The following ROBO2 variants were observed in gnomAD, a reference collection of about 807,000 sequenced individuals.
ROBO2 encodes the protein roundabout guidance receptor 2, also known as roundabout homolog 2.
A neutral mutation model predicts 160.8 loss-of-function variants in ROBO2; 53 were observed. That is an observed-to-expected ratio of 0.33 (90% CI 0.26 to 0.41). The LOEUF is 0.41. Among genes scored for constraint, ROBO2 ranks in the 10% least tolerant of loss-of-function variants. The probability of loss-of-function intolerance (pLI) is 1.00; values close to 1 mark genes in which losing one functional copy is unlikely to be tolerated. For missense variants in ROBO2, 1,577 were observed against 1,722.4 expected, an observed-to-expected ratio of 0.92 and a Z score of 1.49; for synonymous variants, 664 against 611.7, an observed-to-expected ratio of 1.09 and a Z score of -1.26.
At chr3:76,708,202 A>G (rs9871968) in intron 2 of ROBO2, among the ~76,000 whole-genome samples, 7,831 of 152,194 alleles carry the variant, frequency 0.051, 624 homozygotes, top group African/African-American at 0.17. Flanking sequence ...ATACCCTAGC[A>G]TAGGGAAATA....
chr3:75,969,673 T>A (rs550496396), intron 2 of ROBO2, among the ~76,000 whole-genome samples: 1 of 151,672 alleles, frequency 6.6e-6, no homozygotes, highest in Non-Finnish European at 1.5e-5. Context: ...CCTTTTCATA[T>A]ACTTGTTGCC....
intron 2 of ROBO2, among the ~76,000 whole-genome samples, chr3:76,486,770 A>G (rs1029383879): frequency 3.3e-5 from 5 of 152,172 alleles, no homozygotes; most frequent in Admixed American, 3.3e-4. Context: ...AAAATGTATG[A>G]TATTATTATT....
In ROBO2 at chr3:77,150,059, A is replaced by G. The variant is rs528708787; in HGVS notation, c.388+51719A>G. ...TCCTTTTCTGCAGATACATGATTAT[A>G]TAATTGTTTCAGTTATATGAAACAA... On this transcript the variant is annotated intron_variant, in intron 2 of 25. Transcript: ENST00000461745. Among the ~76,000 whole-genome samples the G allele has an allele frequency of 3.3e-5, 5 of 152,334 alleles. No individual in the cohort carries two copies. In the South Asian group the frequency reaches 1.0e-3, roughly 32 times the overall value.
intron 23 of ROBO2, among the ~76,000 whole-genome samples, chr3:77,626,829 G>A (rs1219728563): frequency 6.6e-6 from 1 of 152,148 alleles, no homozygotes; most frequent in Admixed American, 6.5e-5. Flanking sequence ...GAATATCACA[G>A]CTGAAAGGAA....
At chr3:76,347,496 A>G (rs2108249297) in intron 2 of ROBO2, among the ~76,000 whole-genome samples, 1 of 152,210 alleles carries the variant, frequency 6.6e-6, no homozygotes, top group East Asian at 1.9e-4. Flanking sequence ...CTTTATAAAT[A>G]TGATGTAATA....
intron 2 of ROBO2, among the ~76,000 whole-genome samples, chr3:76,298,814 T>C (rs1386679633): frequency 6.6e-6 from 1 of 152,206 alleles, no homozygotes; most frequent in Non-Finnish European, 1.5e-5. Context: ...AAGAAAGATT[T>C]AGTATCAAAT....
At chr3:77,047,188 A>C (rs2064756664) in intron 1 of ROBO2, among the ~76,000 whole-genome samples, 1 of 152,208 alleles carries the variant, frequency 6.6e-6, no homozygotes, top group African/African-American at 2.4e-5. Flanking sequence ...AATGGCAAGA[A>C]GTCTAGATTG....
intron 9 of ROBO2, 122 bp downstream of exon 10, chr3:77,558,271 T>C: frequency 1.3e-6 from 1 of 780,526 alleles, no homozygotes; most frequent in South Asian, 1.5e-5. Context: ...TTAAAAACAG[T>C]TAATGTTATT....
At chr3:76,721,801 A>T (rs977378983) in intron 2 of ROBO2, among the ~76,000 whole-genome samples, 1 of 152,236 alleles carries the variant, frequency 6.6e-6, no homozygotes, top group East Asian at 1.9e-4. Flanking sequence ...CTAACAATCC[A>T]GGAAAATTAG....
At chr3:76,892,926 G>A (rs528962119) in intron 2 of ROBO2, among the ~76,000 whole-genome samples, 2 of 152,218 alleles carry the variant, frequency 1.3e-5, no homozygotes, top group South Asian at 4.1e-4. Flanking sequence ...AAACAACTAA[G>A]GAAAATTCCC....
chr3:77,535,622 G>A (rs1240590279), intron 6 of ROBO2, among the ~76,000 whole-genome samples: 1 of 151,932 alleles, frequency 6.6e-6, no homozygotes, highest in Non-Finnish European at 1.5e-5. Context: ...CATATTAAGA[G>A]TCCCTTAAAG....
At chr3:77,581,222 C>A (rs2093909989) in intron 16 of ROBO2, among the ~76,000 whole-genome samples, 1 of 152,068 alleles carries the variant, frequency 6.6e-6, no homozygotes, top group Non-Finnish European at 1.5e-5. Flanking sequence ...GATACAAATT[C>A]TTTTCCATGT....
chr3:76,628,027 G>T (rs1268646414), intron 2 of ROBO2, among the ~76,000 whole-genome samples: 1 of 106,898 alleles, frequency 9.4e-6, no homozygotes, highest in Non-Finnish European at 2.0e-5. Flanking sequence ...AAGTCCTTTG[G>T]CTAAGGAAAA....
intron 2 of ROBO2, among the ~76,000 whole-genome samples, chr3:76,129,887 A>G (rs1316667407): frequency 6.6e-6 from 1 of 152,004 alleles, no homozygotes; most frequent in African/African-American, 2.4e-5. Context: ...ACTCTAGATC[A>G]TTTTGATATA....
chr3:75,951,728 C>A (rs1948543446), intron 2 of ROBO2, among the ~76,000 whole-genome samples: 1 of 152,000 alleles, frequency 6.6e-6, no homozygotes, highest in Non-Finnish European at 1.5e-5. Context: ...GCATTATTCA[C>A]TACCTTAGTG....
chr3:77,355,703 T>C (rs1364395861), intron 2 of ROBO2, among the ~76,000 whole-genome samples: 2 of 152,152 alleles, frequency 1.3e-5, no homozygotes, highest in African/African-American at 2.4e-5. Flanking sequence ...AAGTTTAATA[T>C]AATTTTAGAT....
chr3:77,362,579 A>G (rs949918395), intron 2 of ROBO2, among the ~76,000 whole-genome samples: 40 of 152,264 alleles, frequency 2.6e-4, no homozygotes, highest in African/African-American at 9.4e-4. Flanking sequence ...AGGAGAGCTT[A>G]GGAGAAGGAG....
At chr3:77,355,397 T>A (rs1223079285) in intron 2 of ROBO2, among the ~76,000 whole-genome samples, 2 of 151,938 alleles carry the variant, frequency 1.3e-5, no homozygotes, top group Non-Finnish European at 2.9e-5. Context: ...ACACCAAGAG[T>A]TTTGAGTGGG....
chr3:77,429,327 C>A (rs562354450), intron 2 of ROBO2, among the ~76,000 whole-genome samples: 1 of 152,126 alleles, frequency 6.6e-6, no homozygotes, highest in Non-Finnish European at 1.5e-5. Flanking sequence ...CAGACTATGA[C>A]ACATATTTTT....
Sources: allele counts gnomAD v4.1 joint callset (sites outside exome capture counted in the v4.1 genomes callset), GRCh38; gene constraint gnomAD v4.1.1; transcripts MANE v1.5; gene names NCBI Gene and HGNC (gene_info 2026-07-23, HGNC 2026-07-21).